The following MLLT3 variants were observed in gnomAD, a reference collection of about 807,000 sequenced individuals.
MLLT3 encodes protein AF-9.
In MLLT3, 4 loss-of-function variants were observed where a neutral mutation model predicts 53.2. The observed-to-expected ratio is 0.08, with a 90% confidence interval of 0.04 to 0.17. MLLT3 has a LOEUF of 0.17. Ranked by LOEUF, MLLT3 falls within the 10% of genes least tolerant of loss-of-function variation. MLLT3 has a pLI of 1.00. For missense variants in MLLT3, 569 were observed against 684.0 expected (o/e 0.83, Z 1.87); for synonymous variants, 283 against 230.6 (o/e 1.23, Z -2.06).
intron 2 of MLLT3, among the ~76,000 whole-genome samples, chr9:20,501,667 C>T (rs926182762): frequency 2.8e-5 from 4 of 144,570 alleles, no homozygotes; most frequent in African/African-American, 1.0e-4. Context: ...AGGAGAATGG[C>T]GTGAACCCGG....
intron 2 of MLLT3, among the ~76,000 whole-genome samples, chr9:20,462,421 T>A (rs1234712707): frequency 6.6e-6 from 1 of 152,198 alleles, no homozygotes; most frequent in African/African-American, 2.4e-5. Context: ...AATGCAATTC[T>A]AAAAACCTAA....
chr9:20,434,035 C>T (rs1476231863), intron 4 of MLLT3, among the ~76,000 whole-genome samples: 4 of 151,866 alleles, frequency 2.6e-5, no homozygotes, highest in Non-Finnish European at 5.9e-5. Flanking sequence ...GCAGCAGAAT[C>T]GCTTGAATCT....
At chr9:20,363,408 A>T in intron 7 of MLLT3, 68 bp downstream of exon 7, 1 of 1,575,626 alleles carries the variant, frequency 6.3e-7, no homozygotes, top group Non-Finnish European at 8.6e-7. Flanking sequence ...TGCTGTGATT[A>T]TCCCAGCAGG....
chr9:20,420,744 G>A (rs150053580), intron 4 of MLLT3, among the ~76,000 whole-genome samples: 15 of 151,998 alleles, frequency 9.9e-5, no homozygotes, highest in African/African-American at 2.9e-4. Flanking sequence ...TGTGCACAAC[G>A]CGCAGGTTTG....
intron 2 of MLLT3, among the ~76,000 whole-genome samples, chr9:20,613,055 A>T: frequency 6.6e-6 from 1 of 152,218 alleles, no homozygotes; most frequent in South Asian, 2.1e-4. Flanking sequence ...AAAGTATACA[A>T]TATATTCCCA....
At chr9:20,427,100 T>A (rs1250554610) in intron 4 of MLLT3, among the ~76,000 whole-genome samples, 2 of 152,092 alleles carry the variant, frequency 1.3e-5, no homozygotes, top group Admixed American at 1.3e-4. Flanking sequence ...TTTAAAAATA[T>A]TCCTGAACAC....
At chr9:20,358,140 C>T (rs1821219117) in intron 8 of MLLT3, among the ~76,000 whole-genome samples, 2 of 151,762 alleles carry the variant, frequency 1.3e-5, no homozygotes, top group South Asian at 4.2e-4. Context: ...TTTTTTAAGT[C>T]CCAGAAGCTT....
At chr9:20,560,454 T>C (rs1340658530) in intron 2 of MLLT3, among the ~76,000 whole-genome samples, 1 of 152,166 alleles carries the variant, frequency 6.6e-6, no homozygotes, top group Non-Finnish European at 1.5e-5. Context: ...GAGCACCCAT[T>C]ATGAGCCATG....
Position 20,621,859 on chromosome 9 carries a change from C to A in MLLT3, c.12+386G>T, listed in dbSNP as rs1821023040. 1.2e-5 allele frequency: 16 copies of A among 1,382,038 alleles called. No individual in the cohort carries two copies. The highest frequency in any genetic ancestry group is 1.4e-5 in the Non-Finnish European group (15 of 1,077,134). 85.6% of individuals were successfully genotyped at this position (1,382,038 alleles called of 1,614,324 possible). A position where few individuals can be genotyped will look rare whatever the true frequency, so the allele number is the denominator to read the frequency against. On this transcript the variant is annotated intron_variant, in intron 1 of 10. Transcript: ENST00000380338. This position sits in a 1 kb window ranked among gnomAD's most constrained non-coding sequence, Gnocchi z 7.0. Reference sequence around the variant, plus strand: ...GGACTGTGCCCGCAGCTCCCGGCGGCGGCGGCTGAAATATGGCTGAGTTAT... The same window carrying A: ...GGACTGTGCCCGCAGCTCCCGGCGGAGGCGGCTGAAATATGGCTGAGTTAT...
chr9:20,560,444 G>A (rs1819174278), intron 2 of MLLT3, among the ~76,000 whole-genome samples: 1 of 152,116 alleles, frequency 6.6e-6, no homozygotes, highest in Non-Finnish European at 1.5e-5. Context: ...CATATTTACT[G>A]AGCACCCATT....
At chr9:20,399,101 G>A (rs1343265944) in intron 5 of MLLT3, among the ~76,000 whole-genome samples, 1 of 152,044 alleles carries the variant, frequency 6.6e-6, no homozygotes, top group Non-Finnish European at 1.5e-5. Flanking sequence ...ATTTGCATAA[G>A]GGTGGCTTAC....
chr9:20,477,761 A>G (rs1037921889), intron 2 of MLLT3, among the ~76,000 whole-genome samples: 1 of 152,034 alleles, frequency 6.6e-6, no homozygotes, highest in African/African-American at 2.4e-5. Flanking sequence ...AGTATTATCA[A>G]CCTAATCCCA....
At chr9:20,535,080 G>C (rs190701837) in intron 2 of MLLT3, among the ~76,000 whole-genome samples, 116 of 152,220 alleles carry the variant, frequency 7.6e-4, no homozygotes, top group African/African-American at 2.6e-3. Context: ...TAGGAACCCT[G>C]GCCTGTTAGG....
intron 2 of MLLT3, among the ~76,000 whole-genome samples, chr9:20,538,526 T>TCA (rs1321407282): frequency 6.6e-6 from 1 of 152,104 alleles, no homozygotes; most frequent in African/African-American, 2.4e-5. Flanking sequence ...CTATCTAAAT[T>TCA]CACACCATCT....
rs552814036 is a variant in MLLT3, at chr9:20,350,402, C to T, written c.1575+3123G>A. 1.1e-3 allele frequency among the ~76,000 whole-genome samples: 174 copies of T among 151,828 alleles called. 1 individual carries two copies. Among genetic ancestry groups the T allele is most frequent in the Middle Eastern group, 3.4e-3 (1 of 290 alleles). ...CGAGGTCAGGAGATCAAGACCAACC[C>T]GGCTAAAACGGTGAAACCCCGTCTC... is the stretch of plus-strand genomic sequence containing the variant. On this transcript the variant is annotated intron_variant, in intron 10 of 10. Coordinates refer to ENST00000380338, the MANE Select transcript of MLLT3 (RefSeq NM_004529.4).
At chr9:20,436,538 T>C (rs1231176337) in intron 4 of MLLT3, among the ~76,000 whole-genome samples, 3 of 152,236 alleles carry the variant, frequency 2.0e-5, no homozygotes, top group Non-Finnish European at 4.4e-5. Flanking sequence ...TTGGTCCTAA[T>C]GCAACTAAGA....
intron 2 of MLLT3, among the ~76,000 whole-genome samples, chr9:20,522,787 C>T (rs987521659): frequency 6.6e-6 from 1 of 151,970 alleles, no homozygotes; most frequent in African/African-American, 2.4e-5. Flanking sequence ...ATACAAAGGG[C>T]CCAGTGCAGT....
rs60526002 is a variant in MLLT3, at chr9:20,620,252, AACACACACACACACACACACACACACAC to A, written c.193+374_193+401del. On this transcript the variant is annotated intron_variant, in intron 2 of 10. Coordinates refer to ENST00000380338, the MANE Select transcript of MLLT3 (RefSeq NM_004529.4). The surrounding 1 kb of genome is among the most constrained non-coding windows in gnomAD (Gnocchi z 6.1). Reference sequence around the variant, plus strand: ...AGGTAAATCTTAATTTCTCTAGGAAAACACACACACACACACACACACACACACACACACACACACACGCGCAAAGTGT... The same window carrying A: ...AGGTAAATCTTAATTTCTCTAGGAAAACACACACACACACGCGCAAAGTGT... 7.0e-6 allele frequency among the ~76,000 whole-genome samples: 1 copy of A among 142,500 alleles called. No homozygotes were observed. The highest frequency in any genetic ancestry group is 1.5e-5 in the Non-Finnish European group (1 of 65,274). 93.5% of individuals were successfully genotyped at this position (142,500 alleles called of 152,430 possible). A position where few individuals can be genotyped will look rare whatever the true frequency, so the allele number is the denominator to read the frequency against.
intron 2 of MLLT3, among the ~76,000 whole-genome samples, chr9:20,600,836 T>G (rs758700238): frequency 6.6e-6 from 1 of 152,178 alleles, no homozygotes; most frequent in Non-Finnish European, 1.5e-5. Context: ...ATACATGACA[T>G]AGATCACTCT....
Sources: allele counts gnomAD v4.1 joint callset (sites outside exome capture counted in the v4.1 genomes callset), GRCh38; gene constraint gnomAD v4.1.1; non-coding constraint Gnocchi (gnomAD v3.1); transcripts MANE v1.5; gene names NCBI Gene and HGNC (gene_info 2026-07-23, HGNC 2026-07-21).